Variants in PRR5L observed in about 807,000 individuals in gnomAD.
PRR5L encodes proline rich 5 like, also known as proline-rich protein 5-like.
A neutral mutation model predicts 36.4 loss-of-function variants in PRR5L; 21 were observed. That is an observed-to-expected ratio of 0.58 (90% CI 0.41 to 0.83). The LOEUF is 0.83. Ranked by LOEUF, PRR5L falls within the 40% of genes least tolerant of loss-of-function variation. PRR5L has a pLI of 0.00. For missense variants in PRR5L, 381 were observed against 473.3 expected (o/e 0.80, Z 1.81); for synonymous variants, 188 against 197.0 (o/e 0.95, Z 0.38).
intron 1 of PRR5L, among the ~76,000 whole-genome samples, chr11:36,321,944 CCACTTA>C (rs1856617527): frequency 6.6e-6 from 1 of 152,082 alleles, no homozygotes; most frequent in African/African-American, 2.4e-5. Context: ...GGGTTAAAGC[CCACTTA>C]TTTAATGTCG....
rs142359708 is a variant in PRR5L at position 36,371,638 on chromosome 11, T to C, written c.-125-29359T>C. ...ATGGGAGGATATATGTTTTTCTTCATTGGAATACTTTTATATCATAGTATG... is the reference window on the plus strand; with the variant it reads ...ATGGGAGGATATATGTTTTTCTTCACTGGAATACTTTTATATCATAGTATG... On this transcript the variant is annotated intron_variant, in intron 1 of 8. Transcript: ENST00000530639. Among the ~76,000 whole-genome samples, 1,328 of 152,338 alleles carry C rather than the reference T, an allele frequency of 8.7e-3. 10 individuals are homozygous for C. The highest frequency in any genetic ancestry group is 0.018 in the South Asian group (87 of 4,826).
intron 4 of PRR5L, among the ~76,000 whole-genome samples, chr11:36,424,957 G>T (rs1858350131): frequency 6.6e-6 from 1 of 152,150 alleles, no homozygotes. Flanking sequence ...GAGTAGTTGG[G>T]ATTACAGGCG....
intron 4 of PRR5L, among the ~76,000 whole-genome samples, chr11:36,422,763 G>A (rs946065159): frequency 3.3e-5 from 5 of 152,082 alleles, no homozygotes; most frequent in Non-Finnish European, 7.4e-5. Flanking sequence ...CCAGCTACAC[G>A]TCCATAAGGC....
At chr11:36,432,547 T>A (rs1192669194) in intron 5 of PRR5L, among the ~76,000 whole-genome samples, 1 of 152,190 alleles carries the variant, frequency 6.6e-6, no homozygotes, top group Non-Finnish European at 1.5e-5. Context: ...AAAGTGGGGC[T>A]TGATCTTAGC....
At chr11:36,326,302 TACACACAC>T (rs3083243) in intron 1 of PRR5L, among the ~76,000 whole-genome samples, 47,581 of 147,370 alleles carry the variant, frequency 0.32, 7,925 homozygotes, top group East Asian at 0.68. Flanking sequence ...CCCCAATAGA[TACACACAC>T]ACACACACAC....
Position 36,328,760 on chromosome 11 carries a change from A to C in PRR5L, c.-126+32322A>C, listed in dbSNP as rs549089720. Among the ~76,000 whole-genome samples, 4 of 152,318 alleles carry C rather than the reference A, an allele frequency of 2.6e-5. No individual in the cohort carries two copies. The South Asian group carries it at 8.3e-4, about 32-fold the overall frequency. On this transcript the variant is annotated intron_variant, in intron 1 of 8. Coordinates refer to ENST00000530639, the MANE Select transcript of PRR5L (RefSeq NM_001160167.2). Reference sequence around the variant, plus strand: ...CCACAGAGGGCATTAATGGCTATCAAATTTCTTTAGGAGGCTCTGCTTTTA... The same window carrying C: ...CCACAGAGGGCATTAATGGCTATCACATTTCTTTAGGAGGCTCTGCTTTTA...
intron 3 of PRR5L, among the ~76,000 whole-genome samples, chr11:36,408,370 A>C (rs1036688418): frequency 6.6e-6 from 1 of 152,046 alleles, no homozygotes; most frequent in African/African-American, 2.4e-5. Flanking sequence ...TGGTCTATTG[A>C]TATGAAAACC....
At chr11:36,386,183 A>T (rs1056672437) in intron 1 of PRR5L, among the ~76,000 whole-genome samples, 1 of 152,204 alleles carries the variant, frequency 6.6e-6, no homozygotes, top group African/African-American at 2.4e-5. Context: ...GCTACTCAGG[A>T]GGCTGAGGTG....
chr11:36,452,727 G>A (rs1858970043), intron 8 of PRR5L, among the ~76,000 whole-genome samples: 1 of 152,232 alleles, frequency 6.6e-6, no homozygotes, highest in African/African-American at 2.4e-5. Context: ...ACGTCAGCAG[G>A]TTAGCTGGGC....
In PRR5L at chr11:36,408,150, T is replaced by C. The variant is rs533223211; in HGVS notation, c.245+4772T>C. On this transcript the variant is annotated intron_variant, in intron 3 of 8. Coordinates refer to ENST00000530639, the MANE Select transcript of PRR5L (RefSeq NM_001160167.2). ...TTAGCCAGGTGTGGTGGTGTGCGCC[T>C]GTAATCCCAGCCAGCTATTTTTGGG... is the stretch of plus-strand genomic sequence containing the variant. Among the ~76,000 whole-genome samples the C allele has an allele frequency of 3.7e-3, 565 of 152,158 alleles. 6 individuals carry two copies. Among genetic ancestry groups the C allele is most frequent in the African/African-American group, 0.013 (546 of 41,502 alleles).
In PRR5L at chr11:36,364,992, G is replaced by A. The variant is rs190723272; in HGVS notation, c.-125-36005G>A. Among the ~76,000 whole-genome samples the A allele has an allele frequency of 6.6e-5, 10 of 152,294 alleles. No individual in the cohort carries two copies. In the East Asian group the frequency reaches 1.9e-3, roughly 29 times the overall value. On this transcript the variant is annotated intron_variant, in intron 1 of 8. Transcript: ENST00000530639. The stretch of plus-strand genomic sequence containing the variant: ...GATATTCCCCAATAGACAGTTCAGT[G>A]ATCCGTACATCACAGGCAGGCTGTA...
At chr11:36,402,592 T>C (rs1460752300) in intron 2 of PRR5L, among the ~76,000 whole-genome samples, 3 of 152,204 alleles carry the variant, frequency 2.0e-5, no homozygotes, top group African/African-American at 7.2e-5. Flanking sequence ...ACTCTGATGA[T>C]AGGGATGGAG....
chr11:36,408,791 TAGAAA>T (rs1857963858), intron 3 of PRR5L, among the ~76,000 whole-genome samples: 1 of 152,174 alleles, frequency 6.6e-6, no homozygotes, highest in Non-Finnish European at 1.5e-5. Flanking sequence ...CGAGAAGAAT[TAGAAA>T]AGTGTGAAAA....
chr11:36,367,780 G>A (rs11824335), intron 1 of PRR5L, among the ~76,000 whole-genome samples: 6,900 of 150,532 alleles, frequency 0.046, 206 homozygotes, highest in African/African-American at 0.08. Context: ...CTCTGTTGCC[G>A]TCTCTCTCTC....
intron 6 of PRR5L, among the ~76,000 whole-genome samples, chr11:36,442,736 C>T (rs140047453): frequency 1.1e-4 from 16 of 152,320 alleles, no homozygotes; most frequent in Admixed American, 2.6e-4. Flanking sequence ...AAATTATTTG[C>T]TAAGGCATAA....
chr11:36,411,423 A>G (rs1421483329), intron 3 of PRR5L, among the ~76,000 whole-genome samples: 1 of 152,062 alleles, frequency 6.6e-6, no homozygotes, highest in Non-Finnish European at 1.5e-5. Flanking sequence ...TGGGAGGGAG[A>G]AAGGGTGAGA....
chr11:36,429,389 T>G (rs6484855), intron 4 of PRR5L, among the ~76,000 whole-genome samples: 1 of 151,936 alleles, frequency 6.6e-6, no homozygotes, highest in Non-Finnish European at 1.5e-5. Context: ...AAATGAGATA[T>G]GGTCCTCACT....
intron 1 of PRR5L, among the ~76,000 whole-genome samples, chr11:36,335,727 G>A (rs1381861600): frequency 2.0e-5 from 3 of 152,128 alleles, no homozygotes; most frequent in Non-Finnish European, 4.4e-5. Flanking sequence ...GATAATTATA[G>A]GATATTAATA....
At position 36,360,033 on chromosome 11, in the gene PRR5L, T is replaced by TCACA. The variant is rs34561988; in HGVS notation, c.-125-40937_-125-40934dup. ...GCCTGGGCGACAGAGTGAGACTCTG[T>TCACA]CACACACACACACACACACACACAC... On this transcript the variant is annotated intron_variant, in intron 1 of 8. Coordinates refer to ENST00000530639, the MANE Select transcript of PRR5L (RefSeq NM_001160167.2). Among the ~76,000 whole-genome samples the TCACA allele has an allele frequency of 4.1e-5, 6 of 146,682 alleles. 1 individual carries two copies. In the South Asian group the frequency reaches 8.7e-4, roughly 21 times the overall value.
Sources: gnomAD v4.1 joint callset for allele counts (sites outside exome capture counted in the v4.1 genomes callset) on GRCh38, gnomAD v4.1.1 for gene constraint, MANE v1.5 for transcripts, NCBI Gene and HGNC (gene_info 2026-07-23, HGNC 2026-07-21) for gene names.